Variants in TMEM245 observed in about 807,000 individuals in gnomAD.
The protein encoded by TMEM245 is protein CG-2.
TMEM245 carries 69 observed loss-of-function variants against 101.2 expected under a neutral mutation model. That is an observed-to-expected ratio of 0.68 (90% CI 0.56 to 0.83). The LOEUF (loss-of-function observed/expected upper bound fraction) is 0.83. Ranked by LOEUF, TMEM245 falls within the 40% of genes least tolerant of loss-of-function variation. The pLI is 0.00. For missense variants in TMEM245, 1,075 were observed against 1,092.8 expected, an observed-to-expected ratio of 0.98 and a Z score of 0.23; for synonymous variants, 537 against 449.8, an observed-to-expected ratio of 1.19 and a Z score of -2.45.
At chr9:109,050,799 G>GTA (rs1828654773) in intron 12 of TMEM245, 107 bp from the exon 13 acceptor site, 1 of 1,167,572 alleles carries the variant, frequency 8.6e-7, no homozygotes, top group Non-Finnish European at 1.2e-6. Flanking sequence ...GAACTGAAAA[G>GTA]CTAAGAACTG....
intron 15 of TMEM245, among the ~76,000 whole-genome samples, chr9:109,036,794 T>TG (rs1828140729): frequency 6.6e-6 from 1 of 152,292 alleles, no homozygotes; most frequent in African/African-American, 2.4e-5. Flanking sequence ...GAAAAAATCC[T>TG]GAGTTGAAGG....
intron 12 of TMEM245, among the ~76,000 whole-genome samples, 165 bp downstream of exon 12, chr9:109,057,026 C>T (rs1231895014): frequency 2.6e-5 from 4 of 152,168 alleles, no homozygotes; most frequent in Non-Finnish European, 5.9e-5. Flanking sequence ...CACCTGAAGC[C>T]TATGGCTTTT....
intron 1 of TMEM245, among the ~76,000 whole-genome samples, chr9:109,109,314 A>C (rs182756746): frequency 6.6e-6 from 1 of 152,162 alleles, no homozygotes; most frequent in Non-Finnish European, 1.5e-5. Flanking sequence ...ACAGAAACTC[A>C]TATTTTAATA....
intron 9 of TMEM245, among the ~76,000 whole-genome samples, chr9:109,071,184 C>G (rs933285006): frequency 3.3e-5 from 5 of 152,026 alleles, no homozygotes; most frequent in Non-Finnish European, 7.4e-5. Flanking sequence ...CGCACCTGGC[C>G]AACATACTTA....
chr9:109,026,750 G>A (rs1197849962), intron 17 of TMEM245, among the ~76,000 whole-genome samples: 4 of 151,496 alleles, frequency 2.6e-5, no homozygotes, highest in African/African-American at 4.9e-5. Context: ...AGGTGTTTGG[G>A]CCACAGGAGC....
At position 109,038,014 on chromosome 9, in the gene TMEM245, T is replaced by TAC. The variant is rs1828188960; in HGVS notation, c.2224+1_2224+2dup. 2 of 1,603,470 alleles carry TAC rather than the reference T, an allele frequency of 1.2e-6. No individual in the cohort carries two copies. Among genetic ancestry groups the TAC allele is most frequent in the Non-Finnish European group, 1.7e-6 (2 of 1,173,904 alleles). ...ATAGTGGAAGGTACAATATGGTTGT[T>TAC]ACCTGATGGTATGAAGACAATATTG... On this transcript the variant is annotated splice_region_variant and intron_variant, in intron 15 of 17. Coordinates refer to ENST00000374586, the MANE Select transcript of TMEM245 (RefSeq NM_032012.4).
chr9:109,049,551 G>T (rs1201826779), intron 14 of TMEM245, among the ~76,000 whole-genome samples: 3 of 152,036 alleles, frequency 2.0e-5, no homozygotes, highest in Non-Finnish European at 4.4e-5. Flanking sequence ...TCTTGGCCGG[G>T]CATGGTGGCT....
At chr9:109,107,857 C>A (rs1359094806) in intron 2 of TMEM245, among the ~76,000 whole-genome samples, 1 of 152,178 alleles carries the variant, frequency 6.6e-6, no homozygotes, top group Non-Finnish European at 1.5e-5. Flanking sequence ...GAACCCATTA[C>A]TCTGAGCAGC....
Position 109,119,744 on chromosome 9 carries a change from G to A in TMEM245, c.170C>T (p.Thr57Ile), listed in dbSNP as rs773896592. 9 of 1,529,700 alleles carry A rather than the reference G, an allele frequency of 5.9e-6. No individual in the cohort carries two copies. The highest frequency in any genetic ancestry group is 4.4e-6 in the Non-Finnish European group (5 of 1,144,260). 94.8% of individuals were successfully genotyped at this position (1,529,700 alleles called of 1,614,324 possible). ...DKPIKQAFYNTGAVLFVCLCC... is the reference protein window; with the variant it reads ...DKPIKQAFYNIGAVLFVCLCC... ...CAGGCACACGAACAGCACGGCCCCG[G>A]TGTTGTAGAAGGCCTGCTTAATGGG... is the stretch of plus-strand genomic sequence containing the variant. Residue 57 changes from threonine (T) to isoleucine (I), a missense_variant, in exon 1 of 18, where the codon ACC becomes ATC. By Grantham distance (89) the Thr-to-Ile change is moderately conservative. Transcript: ENST00000374586.
chr9:109,095,796 C>G (rs1830124817), intron 3 of TMEM245, among the ~76,000 whole-genome samples: 1 of 152,190 alleles, frequency 6.6e-6, no homozygotes, highest in African/African-American at 2.4e-5. Flanking sequence ...CTCGTGTTGA[C>G]CTTTTATAAC....
intron 8 of TMEM245, among the ~76,000 whole-genome samples, chr9:109,079,772 G>A (rs1459286512): frequency 1.3e-5 from 2 of 151,422 alleles, no homozygotes; most frequent in East Asian, 1.9e-4. Context: ...GTAGAAGAGA[G>A]GAGAAAGGAA....
chr9:109,043,216 C>T (rs537871403), intron 14 of TMEM245, among the ~76,000 whole-genome samples: 2 of 152,312 alleles, frequency 1.3e-5, no homozygotes, highest in African/African-American at 4.8e-5. Flanking sequence ...AAACACTTCC[C>T]TGTCTTACTA....
intron 3 of TMEM245, among the ~76,000 whole-genome samples, chr9:109,099,189 A>T (rs550546019): frequency 1.3e-5 from 2 of 152,288 alleles, no homozygotes; most frequent in South Asian, 4.1e-4. Context: ...ACTCCCTCTC[A>T]ATGGCTTCTA....
intron 8 of TMEM245, among the ~76,000 whole-genome samples, chr9:109,074,576 C>A (rs965310700): frequency 1.3e-5 from 2 of 152,066 alleles, no homozygotes; most frequent in Non-Finnish European, 2.9e-5. Flanking sequence ...GTCCCCCACC[C>A]ACACCCACCC....
chr9:109,044,153 G>A (rs777491685), intron 14 of TMEM245, among the ~76,000 whole-genome samples: 1 of 152,108 alleles, frequency 6.6e-6, no homozygotes, highest in South Asian at 2.1e-4. Context: ...TTTTTCACAC[G>A]TTTCCTGATA....
intron 10 of TMEM245, among the ~76,000 whole-genome samples, chr9:109,062,743 G>C (rs1490290557): frequency 4.6e-5 from 7 of 152,220 alleles, no homozygotes; most frequent in Non-Finnish European, 1.0e-4. Flanking sequence ...GGCCATGGTG[G>C]AAGGATTGCG....
intron 17 of TMEM245, among the ~76,000 whole-genome samples, chr9:109,032,637 C>T (rs1827995925): frequency 6.6e-6 from 1 of 151,368 alleles, no homozygotes; most frequent in African/African-American, 2.4e-5. Context: ...ATTTGCCCAC[C>T]TCAGCCTCCC....
At chr9:109,085,900 T>A in intron 7 of TMEM245, 97 bp downstream of exon 7, 1 of 1,356,426 alleles carries the variant, frequency 7.4e-7, no homozygotes, top group Non-Finnish European at 1.1e-6. Flanking sequence ...AAACAAAAAC[T>A]TAGTTTGACA....
chr9:109,070,940 G>C (rs1046726187), intron 9 of TMEM245, among the ~76,000 whole-genome samples: 2 of 152,124 alleles, frequency 1.3e-5, no homozygotes, highest in Non-Finnish European at 2.9e-5. Context: ...GGAGTGCAGT[G>C]GTGCAATCTT....
Sources: allele counts gnomAD v4.1 joint callset (sites outside exome capture counted in the v4.1 genomes callset), GRCh38; gene constraint gnomAD v4.1.1; transcripts MANE v1.5; gene names NCBI Gene and HGNC (gene_info 2026-07-23, HGNC 2026-07-21).